Variants in CD3E observed in about 807,000 individuals in gnomAD.
The protein encoded by CD3E is CD3 epsilon subunit of T-cell receptor complex.
Under a neutral mutation model 34.7 loss-of-function variants are expected in CD3E, and 16 were observed. The observed-to-expected ratio is 0.46, with a 90% confidence interval of 0.31 to 0.70. CD3E has a LOEUF of 0.70. Among genes scored for constraint, CD3E ranks in the 30% least tolerant of loss-of-function variants. The probability of loss-of-function intolerance (pLI) is 0.05; values close to 1 mark genes in which losing one functional copy is unlikely to be tolerated. For missense variants in CD3E, 223 were observed against 253.9 expected (o/e 0.88, Z 0.83); for synonymous variants, 70 against 90.8 (o/e 0.77, Z 1.30).
intron 3 of CD3E, among the ~76,000 whole-genome samples, 172 bp from the exon 4 acceptor site, chr11:118,308,255 A>G (rs1472409333): frequency 6.6e-6 from 1 of 152,226 alleles, no homozygotes; most frequent in Non-Finnish European, 1.5e-5. Flanking sequence ...TTTTGTAAAT[A>G]GTCATCAGAT....
At chr11:118,307,888 G>A (rs936589513) in intron 3 of CD3E, among the ~76,000 whole-genome samples, 3 of 152,168 alleles carry the variant, frequency 2.0e-5, no homozygotes, top group Non-Finnish European at 4.4e-5. Flanking sequence ...GGCAACCATG[G>A]CTGGACACCA....
intron 4 of CD3E, among the ~76,000 whole-genome samples, chr11:118,309,517 A>C (rs190296059): frequency 3.9e-5 from 6 of 152,298 alleles, no homozygotes; most frequent in South Asian, 4.1e-4. Flanking sequence ...CGGAGGTTGG[A>C]GTGAGCTGAG....
At chr11:118,307,641 G>A (rs977286199) in intron 3 of CD3E, among the ~76,000 whole-genome samples, 4 of 152,308 alleles carry the variant, frequency 2.6e-5, no homozygotes, top group African/African-American at 9.6e-5. Flanking sequence ...TGCATGCACA[G>A]GGTTACTCTG....
Position 118,314,348 on chromosome 11 carries a change from A to G in CD3E, c.521-100A>G, listed in dbSNP as rs1008020543. On this transcript the variant is annotated intron_variant, in intron 7 of 8. Transcript: ENST00000361763. The stretch of plus-strand genomic sequence containing the variant: ...AAAGGGAGCGGTAGAGGAGAGAACA[A>G]TGGGGTTTGCCATTCTCTATCTGGG... The G allele has an allele frequency of 9.4e-6, 9 of 952,798 alleles. No individual in the cohort carries two copies. The East Asian group carries it at 2.0e-4, about 21-fold the overall frequency. 59.0% of individuals were successfully genotyped at this position (952,798 alleles called of 1,614,324 possible).
chr11:118,309,430 G>A (rs1318151451), intron 4 of CD3E, among the ~76,000 whole-genome samples: 1 of 152,142 alleles, frequency 6.6e-6, no homozygotes, highest in Non-Finnish European at 1.5e-5. Flanking sequence ...ACAAAAATTA[G>A]CCAGGCATGG....
chr11:118,310,495 T>G (rs1948130030), intron 4 of CD3E, among the ~76,000 whole-genome samples: 1 of 152,242 alleles, frequency 6.6e-6, no homozygotes. Flanking sequence ...ATGGTGTATA[T>G]GCAGCACATT....
Position 118,313,933 on chromosome 11 carries a change from C to A in CD3E, c.520+59C>A, listed in dbSNP as rs535137720. The A allele has an allele frequency of 6.3e-6, 10 of 1,583,952 alleles. No homozygotes were observed. The South Asian group carries it at 1.1e-4, about 18-fold the overall frequency. On this transcript the variant is annotated intron_variant, in intron 7 of 8. Transcript: ENST00000361763. ...TGCCAAGGGGGACGACCAGCCTGGG[C>A]CAGGGTGGGTGGCAAGTCCACAGCT...
chr11:118,311,350 G>T (rs1236528030), intron 4 of CD3E, among the ~76,000 whole-genome samples: 1 of 152,190 alleles, frequency 6.6e-6, no homozygotes, highest in East Asian at 1.9e-4. Context: ...GGGCAAAAAT[G>T]GCTGCTGTGG....
intron 7 of CD3E, 113 bp downstream of exon 7, chr11:118,313,987 A>G: frequency 2.1e-6 from 2 of 965,940 alleles, no homozygotes; most frequent in South Asian, 1.4e-5. Context: ...TAGAGCTTCT[A>G]TGCACAGCTT....
intron 2 of CD3E, 70 bp from the exon 3 acceptor site, chr11:118,307,218 C>G (rs1364568559): frequency 1.1e-5 from 14 of 1,255,682 alleles, no homozygotes; most frequent in East Asian, 6.9e-5. Flanking sequence ...CAACACAGCC[C>G]TTTTTCTGTT....
intron 4 of CD3E, 104 bp downstream of exon 4, chr11:118,308,545 G>A: frequency 1.3e-6 from 1 of 783,682 alleles, no homozygotes; most frequent in Non-Finnish European, 2.2e-6. Context: ...AACTATTAAA[G>A]GGAAAATACA....
chr11:118,310,589 G>A (rs1474343025), intron 4 of CD3E, among the ~76,000 whole-genome samples: 1 of 152,116 alleles, frequency 6.6e-6, no homozygotes. Context: ...AACATACGTG[G>A]AGCACATTTC....
intron 2 of CD3E, 112 bp from the exon 3 acceptor site, chr11:118,307,176 A>G (rs1045200713): frequency 7.6e-6 from 6 of 790,112 alleles, no homozygotes; most frequent in African/African-American, 6.8e-5. Flanking sequence ...AGCAAGAGGG[A>G]AGGACATCAG....
intron 5 of CD3E, 174 bp downstream of exon 5, chr11:118,312,344 A>G (rs1948140107): frequency 3.8e-6 from 3 of 786,268 alleles, no homozygotes; most frequent in African/African-American, 3.4e-5. Context: ...TTTTCTTTAC[A>G]TCCATCTTAC....
intron 3 of CD3E, 108 bp downstream of exon 3, chr11:118,307,416 G>C (rs1948113342): frequency 1.0e-6 from 1 of 973,614 alleles, no homozygotes; most frequent in African/African-American, 1.6e-5. Context: ...ACAGAGGTCA[G>C]GAAAAGGAGT....
chr11:118,308,041 C>T (rs931412160), intron 3 of CD3E, among the ~76,000 whole-genome samples: 16 of 152,096 alleles, frequency 1.1e-4, no homozygotes, highest in Admixed American at 7.9e-4. Context: ...TGGTGGTGTA[C>T]GCCTGTAGTC....
intron 2 of CD3E, among the ~76,000 whole-genome samples, chr11:118,306,486 G>GATAGATAA (rs1403797807): frequency 1.0e-3 from 148 of 145,508 alleles, no homozygotes; most frequent in African/African-American, 3.6e-3. Flanking sequence ...TCTCAAAATA[G>GATAGATAA]ATAAATAAAT....
At chr11:118,307,332 T>A in intron 3 of CD3E, 24 bp downstream of exon 3, 4 of 1,591,742 alleles carry the variant, frequency 2.5e-6, no homozygotes, top group Non-Finnish European at 3.4e-6. Context: ...TCTTTCTTTC[T>A]TTTTTATGAA....
chr11:118,309,103 G>C (rs553414440), intron 4 of CD3E, among the ~76,000 whole-genome samples: 2 of 152,196 alleles, frequency 1.3e-5, no homozygotes, highest in African/African-American at 4.8e-5. Flanking sequence ...AGATCAGAAT[G>C]TTTGAATCTT....
Sources: allele counts gnomAD v4.1 joint callset (sites outside exome capture counted in the v4.1 genomes callset), GRCh38; gene constraint gnomAD v4.1.1; transcripts MANE v1.5; gene names NCBI Gene and HGNC (gene_info 2026-07-23, HGNC 2026-07-21).